Variants in CAPRIN2 observed in about 807,000 individuals in gnomAD.
CAPRIN2 encodes caprin-2.
Under a neutral mutation model 130.4 loss-of-function variants are expected in CAPRIN2, and 66 were observed. The ratio of observed to expected loss-of-function variants is 0.51; its 90% confidence interval spans 0.42 to 0.62. The LOEUF is 0.62. Ranked by LOEUF, CAPRIN2 falls within the 20% of genes least tolerant of loss-of-function variation. CAPRIN2 has a pLI of 0.00. For missense variants in CAPRIN2, 1,185 were observed against 1,246.6 expected (o/e 0.95, Z 0.74); for synonymous variants, 471 against 444.1 (o/e 1.06, Z -0.76).
Position 30,728,634 on chromosome 12 carries a change from A to G in CAPRIN2, c.1782+14T>C, listed in dbSNP as rs773689323. The G allele has an allele frequency of 1.3e-6, 2 of 1,586,768 alleles. No individual in the cohort carries two copies. Among genetic ancestry groups the G allele is most frequent in the South Asian group, 1.2e-5 (1 of 85,570 alleles). On this transcript the variant is annotated intron_variant, in intron 8 of 16. Transcript: ENST00000298892. ...CCTACACTTACAGAAGCAGAATGATACAGATCAACTCACATCTTTGGGTTC... is the reference window on the plus strand; with the variant it reads ...CCTACACTTACAGAAGCAGAATGATGCAGATCAACTCACATCTTTGGGTTC...
At chr12:30,713,368 A>G (rs1414892685) in intron 15 of CAPRIN2, among the ~76,000 whole-genome samples, 1 of 152,186 alleles carries the variant, frequency 6.6e-6, no homozygotes, top group Non-Finnish European at 1.5e-5. Context: ...TACATTTGCT[A>G]TTTAGGCAAG....
At position 30,710,965 on chromosome 12, in the gene CAPRIN2, T is replaced by C. The variant is rs777997142; in HGVS notation, c.2666-495A>G. ...GATGAATGCTTTTTTTATTTCCAAG[T>C]CATACACTTGTAATGTTTTAAGTGC... is the stretch of plus-strand genomic sequence containing the variant. On this transcript the variant is annotated intron_variant, in intron 16 of 16. Transcript: ENST00000298892. This position sits in a 1 kb window ranked among gnomAD's most constrained non-coding sequence, Gnocchi z 4.8. 1.3e-5 allele frequency among the ~76,000 whole-genome samples: 2 copies of C among 152,184 alleles called. No individual in the cohort carries two copies. Among genetic ancestry groups the C allele is most frequent in the Non-Finnish European group, 1.5e-5 (1 of 68,026 alleles).
chr12:30,731,564 G>A (rs1489715982), intron 5 of CAPRIN2, 54 bp from the exon 7 acceptor site: 32 of 1,426,672 alleles, frequency 2.2e-5, no homozygotes, highest in Non-Finnish European at 3.0e-5. Context: ...GAAAATTACT[G>A]GGAATAGAAA....
chr12:30,741,448 C>T (rs879084672), intron 2 of CAPRIN2, among the ~76,000 whole-genome samples: 1 of 152,070 alleles, frequency 6.6e-6, no homozygotes, highest in Admixed American at 6.6e-5. Context: ...ACTACTCAAA[C>T]ATATTACACA....
chr12:30,733,769 C>T, intron 4 of CAPRIN2, 58 bp from the exon 6 acceptor site: 1 of 1,136,500 alleles, frequency 8.8e-7, no homozygotes, highest in Non-Finnish European at 1.3e-6. Context: ...ATATATGGAG[C>T]AGCACAATTT....
intron 7 of CAPRIN2, 42 bp downstream of exon 8, chr12:30,730,197 G>C (rs970138271): frequency 2.0e-6 from 3 of 1,534,924 alleles, no homozygotes; most frequent in Non-Finnish European, 9.0e-7. Flanking sequence ...TATGCAAAAG[G>C]CTGAAAAATC....
chr12:30,713,973 A>G, intron 14 of CAPRIN2, 88 bp from the exon 17 acceptor site: 1 of 693,612 alleles, frequency 1.4e-6, no homozygotes, highest in Admixed American at 2.2e-5. Context: ...TTAAAAGTTA[A>G]ATTGATTATA....
At chr12:30,723,221 T>C in intron 11 of CAPRIN2, 38 bp downstream of exon 12, 1 of 1,419,584 alleles carries the variant, frequency 7.0e-7, no homozygotes. Flanking sequence ...GCTTCTTCCT[T>C]GAGCAGCAAA....
chr12:30,740,906 C>T (rs1463646771), intron 3 of CAPRIN2, 114 bp downstream of exon 4: 1 of 647,466 alleles, frequency 1.5e-6, no homozygotes, highest in Non-Finnish European at 2.7e-6. Context: ...AAAATATCAG[C>T]AGAAATTAGA....
chr12:30,717,496 G>A (rs2058009894), intron 12 of CAPRIN2, among the ~76,000 whole-genome samples: 2 of 152,020 alleles, frequency 1.3e-5, no homozygotes, highest in Non-Finnish European at 2.9e-5. Flanking sequence ...TCTGAAAGTA[G>A]TGATGATGAT....
chr12:30,715,013 T>C (rs1237903772), exon 14 of CAPRIN2: 1 of 1,614,022 alleles, frequency 6.2e-7, no homozygotes, highest in Admixed American at 1.7e-5. Flanking sequence ...CCACCACGAG[T>C]ACATCCTCTA....
chr12:30,729,138 T>C, exon 8 of CAPRIN2: 2 of 1,614,020 alleles, frequency 1.2e-6, no homozygotes, highest in Non-Finnish European at 8.5e-7. Flanking sequence ...CTTGGATACC[T>C]CCTGGTGCTT....
chr12:30,753,558 GAC>G lies in CAPRIN2; in HGVS notation c.204_205del (p.Gln68HisfsTer51), dbSNP rs779263012. On this transcript the variant is annotated frameshift_variant, in exon 1 of 17. Transcript: ENST00000298892. LOFTEE classifies it high-confidence loss of function. ...TTCCTCCTCTGAATGGCCTGAAGGT[GAC>G]TGGTAACCAAAAGGGGATGAAAAGA... The G allele has an allele frequency of 5.2e-5, 84 of 1,614,124 alleles. No homozygotes were observed. The Middle Eastern group carries it at 2.1e-3, about 41-fold the overall frequency.
chr12:30,715,570 A>G, intron 13 of CAPRIN2: 2 of 396,526 alleles, frequency 5.0e-6, no homozygotes, highest in Non-Finnish European at 9.9e-6. Flanking sequence ...GGGGAGATGA[A>G]AAGTTCTGGA....
At chr12:30,751,907 G>GTTTTTTTTTTTTTTTTT (rs1565723364) in intron 1 of CAPRIN2, among the ~76,000 whole-genome samples, 1 of 123,538 alleles carries the variant, frequency 8.1e-6, no homozygotes. Flanking sequence ...ACCCACTATG[G>GTTTTTTTTTTTTTTTTT]TATTTTTTTT....
chr12:30,753,737 T>C lies in CAPRIN2; in HGVS notation c.27A>G (p.Ser9=), dbSNP rs760768398. ...CCACAGAAGTGAGCTCGAAACCCAATGATGCTTGAGATACTTGTACTTCCA... is the reference window on the plus strand; with the variant it reads ...CCACAGAAGTGAGCTCGAAACCCAACGATGCTTGAGATACTTGTACTTCCA... Residue 9 remains serine (S), a synonymous_variant, in exon 1 of 17, where the codon TCA becomes TCG. Transcript: ENST00000298892. 9 of 1,612,054 alleles carry C rather than the reference T, an allele frequency of 5.6e-6. No individual in the cohort carries two copies. The East Asian group carries it at 1.3e-4, about 24-fold the overall frequency.
chr12:30,753,920 T>C (rs1398684962), exon 1 of CAPRIN2: 18 of 666,006 alleles, frequency 2.7e-5, no homozygotes, highest in Non-Finnish European at 3.8e-5. Flanking sequence ...TGAGGGCAGA[T>C]CACATTCTAA....
In CAPRIN2 at chr12:30,711,563, T is replaced by C; in HGVS notation, c.2665+3A>G. On this transcript the variant is annotated splice_donor_region_variant and intron_variant, in intron 16 of 16. Transcript: ENST00000298892. ...AGAAAACTATTCAGCTAATTACCCT[T>C]ACCTCTCGAATTTGCTCGTGGACCA... 2.5e-6 allele frequency: 4 copies of C among 1,611,142 alleles called. No individual in the cohort carries two copies. The highest frequency in any genetic ancestry group is 3.4e-6 in the Non-Finnish European group (4 of 1,177,288).
chr12:30,730,146 A>G, intron 7 of CAPRIN2, 93 bp downstream of exon 8: 1 of 1,014,144 alleles, frequency 9.9e-7, no homozygotes, highest in Non-Finnish European at 1.5e-6. Context: ...GTTCAAGCTC[A>G]GGCAGTCTGG....
Sources: gnomAD v4.1 joint callset for allele counts (sites outside exome capture counted in the v4.1 genomes callset) on GRCh38, gnomAD v4.1.1 for gene constraint, Gnocchi (gnomAD v3.1) non-coding constraint, MANE v1.5 for transcripts, NCBI Gene and HGNC (gene_info 2026-07-23, HGNC 2026-07-21) for gene names.